The following EVL variants were observed in gnomAD, a reference collection of about 807,000 sequenced individuals.
EVL encodes the protein ena/VASP-like protein.
A neutral mutation model predicts 59.6 loss-of-function variants in EVL; 21 were observed. The observed-to-expected ratio is 0.35, with a 90% CI of 0.25 to 0.51. The LOEUF (loss-of-function observed/expected upper bound fraction) is 0.51, where lower values mean the gene tolerates loss of function less well. Ranked by LOEUF, EVL falls within the 20% of genes least tolerant of loss-of-function variation. The pLI, the probability that EVL is intolerant of heterozygous loss-of-function variation, is 0.97. For synonymous variants in EVL, 198 were observed against 203.5 expected, an observed-to-expected ratio of 0.97 and a Z score of 0.23; for missense variants, 462 against 546.6, an observed-to-expected ratio of 0.85 and a Z score of 1.54.
chr14:100,013,335 C>T (rs1419819400), intron 1 of EVL, among the ~76,000 whole-genome samples: 8 of 152,232 alleles, frequency 5.3e-5, no homozygotes, highest in Admixed American at 3.9e-4. Context: ...GAGGGCAACT[C>T]GATGGGTTTT....
intron 1 of EVL, among the ~76,000 whole-genome samples, chr14:100,025,958 AAC>A (rs976388614): frequency 4.0e-5 from 6 of 151,762 alleles, no homozygotes; most frequent in African/African-American, 1.5e-4. Flanking sequence ...AAACAAACAA[AAC>A]ACAGCTGTGG....
rs192372887 is a variant in EVL, at chr14:100,032,529, G to A, written c.6-52158G>A. ...ATAAAATTCTGTCCATTGCCAGGACGGCTTTTCATTGTTTTCTACAGGTGG... is the reference window on the plus strand; with the variant it reads ...ATAAAATTCTGTCCATTGCCAGGACAGCTTTTCATTGTTTTCTACAGGTGG... On this transcript the variant is annotated intron_variant, in intron 1 of 13. Transcript: ENST00000402714. 2.8e-4 allele frequency among the ~76,000 whole-genome samples: 43 copies of A among 152,250 alleles called. No homozygotes were observed. In the East Asian group the frequency reaches 5.4e-3, roughly 19 times the overall value.
chr14:100,047,143 T>TTTTTTTTTTTTTTC (rs2061566475), intron 1 of EVL, among the ~76,000 whole-genome samples: 2 of 142,288 alleles, frequency 1.4e-5, no homozygotes, highest in Non-Finnish European at 3.1e-5. Flanking sequence ...TTTTTTTTTT[T>TTTTTTTTTTTTTTC]TTACCTGACC....
intron 1 of EVL, among the ~76,000 whole-genome samples, chr14:100,039,043 A>C (rs1028224841): frequency 3.3e-5 from 5 of 152,116 alleles, no homozygotes; most frequent in African/African-American, 1.2e-4. Context: ...GTCACCAAAT[A>C]AGTATAAGAA....
chr14:100,007,425 C>T lies in EVL; in HGVS notation c.5+35368C>T, dbSNP rs533169110. On this transcript the variant is annotated intron_variant, in intron 1 of 13. Coordinates refer to the EVL transcript ENST00000402714. ...TAAGCAGTTCCCAGTTTGACTTCCC[C>T]TTTAGCTTAGTGATTTGGGGGCCCC... Among the ~76,000 whole-genome samples the T allele has an allele frequency of 2.0e-5, 3 of 152,268 alleles. No individual in the cohort carries two copies. The South Asian group carries it at 6.2e-4, about 32-fold the overall frequency.
At chr14:100,028,416 A>G (rs943141457) in intron 1 of EVL, among the ~76,000 whole-genome samples, 1 of 152,092 alleles carries the variant, frequency 6.6e-6, no homozygotes, top group African/African-American at 2.4e-5. Context: ...CCCATTTTTA[A>G]ATCAGAATAT....
intron 1 of EVL, among the ~76,000 whole-genome samples, chr14:100,053,804 G>A (rs886988205): frequency 2.6e-5 from 4 of 151,858 alleles, no homozygotes; most frequent in Non-Finnish European, 5.9e-5. Context: ...ACATGCTACT[G>A]CACCCAGCTA....
At chr14:100,058,490 T>G (rs929929368) in intron 1 of EVL, among the ~76,000 whole-genome samples, 2 of 152,174 alleles carry the variant, frequency 1.3e-5, no homozygotes, top group Admixed American at 6.5e-5. Context: ...GGTTTCACAT[T>G]ATAAGATGCT....
intron 9 of EVL, chr14:100,137,215 C>G (rs73349572): frequency 3.3e-6 from 1 of 298,698 alleles, no homozygotes; most frequent in Non-Finnish European, 6.4e-6. Context: ...AGGTGCCGGG[C>G]CGAGGGGCCT....
At chr14:99,999,242 C>A (rs1264127695) in intron 1 of EVL, among the ~76,000 whole-genome samples, 1 of 151,984 alleles carries the variant, frequency 6.6e-6, no homozygotes, top group Non-Finnish European at 1.5e-5. Flanking sequence ...TATTTGTGCC[C>A]TTTTGGTTTT....
intron 3 of EVL, among the ~76,000 whole-genome samples, chr14:100,101,109 C>T (rs957458731): frequency 6.6e-6 from 1 of 152,190 alleles, no homozygotes; most frequent in Non-Finnish European, 1.5e-5. Context: ...CCTGTAATCC[C>T]AGCACTTTGG....
chr14:99,983,436 A>G (rs1210737568), intron 1 of EVL, among the ~76,000 whole-genome samples: 1 of 152,176 alleles, frequency 6.6e-6, no homozygotes, highest in Non-Finnish European at 1.5e-5. Context: ...TAAAGGAGAG[A>G]CATGCCATTT....
rs552212704 is a variant in EVL, at chr14:100,101,536, G to A, written c.358+3878G>A. Among the ~76,000 whole-genome samples, 193 of 152,200 alleles carry A rather than the reference G, an allele frequency of 1.3e-3. 1 individual carries two copies. The highest frequency in any genetic ancestry group is 2.4e-3 in the Non-Finnish European group (161 of 68,012). ...CGCATGCCTATAATTCCAGCTACTC[G>A]GGAGGCTGAGACAGGAGAATCACTT... On this transcript the variant is annotated intron_variant, in intron 3 of 13. Coordinates refer to ENST00000392920, the MANE Select transcript of EVL (RefSeq NM_016337.3).
chr14:99,991,735 TGGGGCAAA>T (rs2060876575), intron 1 of EVL, among the ~76,000 whole-genome samples: 1 of 152,144 alleles, frequency 6.6e-6, no homozygotes, highest in Non-Finnish European at 1.5e-5. Flanking sequence ...CAAGTATGCT[TGGGGCAAA>T]GGGGAAAAGG....
chr14:100,135,517 G>A (rs771576172), intron 8 of EVL: 16 of 201,642 alleles, frequency 7.9e-5, no homozygotes, highest in African/African-American at 2.5e-4. Context: ...CCTATTACAC[G>A]GGCAGGTGTG....
At chr14:100,104,115 A>G (rs912466372) in intron 3 of EVL, among the ~76,000 whole-genome samples, 6 of 152,190 alleles carry the variant, frequency 3.9e-5, no homozygotes, top group Non-Finnish European at 7.3e-5. Flanking sequence ...AACACCAAGT[A>G]AGTGTTTGGT....
intron 1 of EVL, among the ~76,000 whole-genome samples, chr14:100,043,006 T>G (rs2061489659): frequency 6.6e-6 from 1 of 152,172 alleles, no homozygotes; most frequent in African/African-American, 2.4e-5. Context: ...TATTAAATTT[T>G]TCCTTCTGAA....
intron 1 of EVL, among the ~76,000 whole-genome samples, chr14:100,077,465 C>G (rs1232115552): frequency 6.6e-6 from 1 of 152,170 alleles, no homozygotes; most frequent in East Asian, 1.9e-4. Flanking sequence ...TTATGTCCAA[C>G]AGTTAGAAAT....
chr14:100,078,310 G>T lies in EVL; in HGVS notation c.12-6377G>T, dbSNP rs143924954. On this transcript the variant is annotated intron_variant, in intron 1 of 13. Transcript: ENST00000392920. Reference sequence around the variant, plus strand: ...ACTTGACATAAAAGATAAGTAGAAAGGAAACCTGTGAAGGAGGCTGAGCAG... The same window carrying T: ...ACTTGACATAAAAGATAAGTAGAAATGAAACCTGTGAAGGAGGCTGAGCAG... Among the ~76,000 whole-genome samples the T allele has an allele frequency of 4.4e-3, 675 of 152,260 alleles. 20 individuals carry two copies. Among genetic ancestry groups the T allele is most frequent in the Admixed American group, 0.035 (540 of 15,292 alleles).
Sources: allele counts gnomAD v4.1 joint callset (sites outside exome capture counted in the v4.1 genomes callset), GRCh38; gene constraint gnomAD v4.1.1; transcripts MANE v1.5; gene names NCBI Gene and HGNC (gene_info 2026-07-23, HGNC 2026-07-21).